The following STOX1 variants were observed in gnomAD, a reference collection of about 807,000 sequenced individuals.
STOX1 encodes storkhead-box protein 1.
STOX1 carries 57 observed loss-of-function variants against 74.8 expected under a neutral mutation model. The ratio of observed to expected loss-of-function variants is 0.76; its 90% CI spans 0.62 to 0.95. The LOEUF is 0.95. STOX1 is among the 40% of genes least tolerant of loss of function. The pLI is 0.00. For synonymous variants in STOX1, 375 were observed against 401.3 expected (o/e 0.93, Z 0.78); for missense variants, 1,010 against 1,117.0 (o/e 0.90, Z 1.37).
At chr10:68,852,615 A>G (rs72801513) in intron 1 of STOX1, among the ~76,000 whole-genome samples, 14,329 of 151,044 alleles carry the variant, frequency 0.095, 899 homozygotes, top group Admixed American at 0.16. Flanking sequence ...ACAGGGTCTC[A>G]ATCTATTGCC....
chr10:68,882,393 T>C (rs996066137), intron 2 of STOX1, among the ~76,000 whole-genome samples: 2 of 152,158 alleles, frequency 1.3e-5, no homozygotes, highest in African/African-American at 4.8e-5. Context: ...TAAAGTTTAT[T>C]TCCCCTCATC....
intron 1 of STOX1, among the ~76,000 whole-genome samples, chr10:68,856,747 C>A (rs1452727769): frequency 2.0e-5 from 3 of 152,080 alleles, no homozygotes; most frequent in Non-Finnish European, 4.4e-5. Context: ...AGAACCCTCT[C>A]CCTCTCACTG....
Position 68,885,701 on chromosome 10 carries a change from A to G in STOX1, c.1905A>G (p.Lys635=), listed in dbSNP as rs1234231869. 3 of 1,614,126 alleles carry G rather than the reference A, an allele frequency of 1.9e-6. No individual in the cohort carries two copies. The highest frequency in any genetic ancestry group is 2.5e-6 in the Non-Finnish European group (3 of 1,180,024). Residue 635 remains lysine (K), a synonymous_variant, in exon 3 of 4, where the codon AAA becomes AAG. Coordinates refer to ENST00000298596, the MANE Select transcript of STOX1 (RefSeq NM_152709.5). ...HSHFDKLGET[K]QTPHSLPSRG... ...ACTTTGACAAATTAGGGGAGACCAA[A>G]CAGACTCCGCATAGTCTGCCATCAC...
At chr10:68,884,016 G>A (rs947270874) in intron 2 of STOX1, among the ~76,000 whole-genome samples, 2 of 151,564 alleles carry the variant, frequency 1.3e-5, no homozygotes, top group African/African-American at 2.4e-5. Context: ...ACGAAGTCTT[G>A]CTATGTTGCC....
intron 1 of STOX1, among the ~76,000 whole-genome samples, chr10:68,864,688 A>C (rs1347962585): frequency 6.6e-6 from 1 of 152,192 alleles, no homozygotes; most frequent in Non-Finnish European, 1.5e-5. Context: ...ATAAGTTGGA[A>C]AAATTAGCAA....
chr10:68,851,693 T>C (rs1158745482), intron 1 of STOX1, among the ~76,000 whole-genome samples: 1 of 151,980 alleles, frequency 6.6e-6, no homozygotes, highest in Non-Finnish European at 1.5e-5. Context: ...ATACAAAAGT[T>C]AGCTGGGTGT....
At chr10:68,873,554 C>T (rs559013717) in intron 1 of STOX1, among the ~76,000 whole-genome samples, 1 of 113,232 alleles carries the variant, frequency 8.8e-6, no homozygotes, top group South Asian at 3.2e-4. Flanking sequence ...AGCCACCGCG[C>T]CTGGCCTTTT....
intron 1 of STOX1, among the ~76,000 whole-genome samples, chr10:68,878,467 T>C (rs1187974036): frequency 6.6e-6 from 1 of 152,150 alleles, no homozygotes; most frequent in Non-Finnish European, 1.5e-5. Context: ...GCTAATTAAT[T>C]GATTAGCCAT....
At chr10:68,870,235 A>G (rs955588926) in intron 1 of STOX1, among the ~76,000 whole-genome samples, 5 of 151,986 alleles carry the variant, frequency 3.3e-5, no homozygotes, top group Non-Finnish European at 5.9e-5. Flanking sequence ...TTTTCTGTTA[A>G]TCACCATGAC....
intron 1 of STOX1, among the ~76,000 whole-genome samples, chr10:68,861,533 C>T (rs1209451692): frequency 6.6e-6 from 1 of 151,940 alleles, no homozygotes; most frequent in East Asian, 1.9e-4. Flanking sequence ...TATGACCAGT[C>T]TTGAGGACTG....
At chr10:68,833,020 T>C (rs1405369903) in intron 1 of STOX1, among the ~76,000 whole-genome samples, 3 of 151,386 alleles carry the variant, frequency 2.0e-5, no homozygotes, top group African/African-American at 7.3e-5. Context: ...TCCTCCTGCC[T>C]CTGCCTCTCA....
chr10:68,882,078 C>G lies in STOX1; in HGVS notation c.431C>G (p.Ser144Ter). The change falls in exon 2 of 4, where the codon TCA becomes TGA. Residue 144 changes from serine to a stop codon, truncating the protein, a stop_gained. Coordinates refer to ENST00000298596, the MANE Select transcript of STOX1 (RefSeq NM_152709.5). LOFTEE classifies it high-confidence loss of function. ...NTAQIVVTQE[S>*]LLERLMKHYP... ...GCTCAGATTGTAGTAACGCAGGAAT[C>G]ACTTTTGGAGCGTTTGATGAAACAT... The G allele has an allele frequency of 6.2e-7, 1 of 1,613,892 alleles. No individual in the cohort carries two copies. The highest frequency in any genetic ancestry group is 1.3e-5 in the African/African-American group (1 of 75,046).
chr10:68,869,360 A>G (rs975708660), intron 1 of STOX1, among the ~76,000 whole-genome samples: 6 of 152,228 alleles, frequency 3.9e-5, no homozygotes, highest in Non-Finnish European at 8.8e-5. Context: ...CTGTTATAAT[A>G]TCAATTTACT....
At chr10:68,830,253 G>A (rs1839371086) in intron 1 of STOX1, among the ~76,000 whole-genome samples, 1 of 152,206 alleles carries the variant, frequency 6.6e-6, no homozygotes, top group Admixed American at 6.5e-5. Flanking sequence ...TGTGGGGTGT[G>A]CAACGCAGTG....
At position 68,892,867 on chromosome 10, in the gene STOX1, C is replaced by A; in HGVS notation, c.*131C>A. ...CATATCTATACTATTAACCACATTA[C>A]ACATTTTGTTCTAATTACTGGCTTT... On this transcript the variant is annotated 3_prime_UTR_variant, in exon 4 of 4. Transcript: ENST00000298596. The A allele has an allele frequency of 9.5e-7, 1 of 1,055,218 alleles. No homozygotes were observed. Among genetic ancestry groups the A allele is most frequent in the Non-Finnish European group, 1.4e-6 (1 of 730,470 alleles). The allele number at this position is 1,055,218 out of a possible 1,614,324, so 65.4% of individuals were successfully genotyped here. A position where few individuals can be genotyped will look rare whatever the true frequency, so the allele number is the denominator to read the frequency against.
At chr10:68,887,230 TCA>T in intron 3 of STOX1, among the ~76,000 whole-genome samples, 1 of 152,308 alleles carries the variant, frequency 6.6e-6, no homozygotes, top group East Asian at 1.9e-4. Context: ...TTGGAAGTTT[TCA>T]CTTCTATTCC....
rs369940074 is a variant in STOX1, at chr10:68,830,623, A to G, written c.310+2690A>G. On this transcript the variant is annotated intron_variant, in intron 1 of 3. Transcript: ENST00000298596. ...CTCCCAAAGTGCTGGGATTACAGAC[A>G]TGAGCTACCGCGCCTGACGATTTTT... 2.2e-4 allele frequency among the ~76,000 whole-genome samples: 34 copies of G among 152,266 alleles called. 1 individual carries two copies. The South Asian group carries it at 2.5e-3, about 11-fold the overall frequency.
chr10:68,894,715 G>T (rs1841162892), downstream of STOX1, among the ~76,000 whole-genome samples: 1 of 152,114 alleles, frequency 6.6e-6, no homozygotes, highest in African/African-American at 2.4e-5. Flanking sequence ...GAAGTTAAGA[G>T]AAGTATTTTA....
chr10:68,891,311 A>T (rs987569094), intron 3 of STOX1, among the ~76,000 whole-genome samples: 1 of 152,198 alleles, frequency 6.6e-6, no homozygotes, highest in Admixed American at 6.5e-5. Flanking sequence ...GGAAGTATAC[A>T]ATTTAGTTGG....
Sources: gnomAD v4.1 joint callset for allele counts (sites outside exome capture counted in the v4.1 genomes callset) on GRCh38, gnomAD v4.1.1 for gene constraint, MANE v1.5 for transcripts, NCBI Gene and HGNC (gene_info 2026-07-23, HGNC 2026-07-21) for gene names.